Variants in KCTD1 observed in about 807,000 individuals in gnomAD.
KCTD1 encodes BTB/POZ domain-containing protein KCTD1.
KCTD1 carries 24 observed loss-of-function variants against 66.0 expected under a neutral mutation model. That is an observed-to-expected ratio of 0.36 (90% CI 0.26 to 0.51). KCTD1 has a LOEUF of 0.51. Ranked by LOEUF, KCTD1 falls within the 20% of genes least tolerant of loss-of-function variation. The pLI is 0.95. For missense variants in KCTD1, 943 were observed against 1,205.2 expected (o/e 0.78, Z 3.22); for synonymous variants, 511 against 517.2 (o/e 0.99, Z 0.16).
Position 26,455,123 on chromosome 18 carries a change from A to ACAT in KCTD1, c.*617_*619dup, listed in dbSNP as rs1363498427. The ACAT allele has an allele frequency of 6.6e-6, 1 of 152,650 alleles. No individual in the cohort carries two copies. The highest frequency in any genetic ancestry group is 6.5e-5 in the Admixed American group (1 of 15,282). 9.5% of individuals were successfully genotyped at this position (152,650 alleles called of 1,614,324 possible). A position where few individuals can be genotyped will look rare whatever the true frequency, so the allele number is the denominator to read the frequency against. The stretch of plus-strand genomic sequence containing the variant: ...TCAGTTTTAAAACAAAGTAAAGTTC[A>ACAT]CATCTGTGAGGTGGACAAAAAAGTG... On this transcript the variant is annotated 3_prime_UTR_variant, in exon 5 of 5. Transcript: ENST00000580059.
intron 1 of KCTD1, chr18:26,600,013 G>A (rs1044771652): frequency 1.9e-5 from 30 of 1,611,384 alleles, no homozygotes; most frequent in South Asian, 8.8e-5. Flanking sequence ...CTCAGCCAAC[G>A]ATATGGAGGA....
intron 1 of KCTD1, among the ~76,000 whole-genome samples, chr18:26,602,384 A>G (rs1263333458): frequency 6.6e-6 from 1 of 152,218 alleles, no homozygotes; most frequent in African/African-American, 2.4e-5. Flanking sequence ...TTTATAAGAA[A>G]TGTGGGTATA....
chr18:26,484,308 T>A (rs1178913804), intron 2 of KCTD1, among the ~76,000 whole-genome samples: 1 of 152,166 alleles, frequency 6.6e-6, no homozygotes, highest in African/African-American at 2.4e-5. Flanking sequence ...ACAAATTATA[T>A]CTACTTATGA....
At chr18:26,524,815 C>T (rs1385976551) in intron 1 of KCTD1, among the ~76,000 whole-genome samples, 2 of 152,090 alleles carry the variant, frequency 1.3e-5, no homozygotes, top group Non-Finnish European at 1.5e-5. Context: ...TTAACATGTA[C>T]ATGTGTTAAA....
rs1425732017 is a variant in KCTD1, at chr18:26,547,013, G to C, written c.1524C>G (p.Pro508=). 2.0e-6 allele frequency: 3 copies of C among 1,483,176 alleles called. No individual in the cohort carries two copies. The highest frequency in any genetic ancestry group is 1.4e-5 in the African/African-American group (1 of 71,820). 91.9% of individuals were successfully genotyped at this position (1,483,176 alleles called of 1,614,324 possible). A position where few individuals can be genotyped will look rare whatever the true frequency, so the allele number is the denominator to read the frequency against. ...GGAGGATGTAAGTGTTCCCCAGCGA[G>C]GGCGGCTGGGGGCGGTGGTGGTGGG... ...HPSHHHRPQP[P]SLGNTYILPK... Residue 508 remains proline (P), a synonymous_variant, in exon 1 of 5, where the codon CCC becomes CCG. Coordinates refer to ENST00000580059, the MANE Select transcript of KCTD1 (RefSeq NM_001142730.3).
intron 1 of KCTD1, among the ~76,000 whole-genome samples, chr18:26,624,371 G>A (rs1390778257): frequency 1.3e-5 from 2 of 152,192 alleles, no homozygotes; most frequent in African/African-American, 4.8e-5. Context: ...GGCCTAAGAG[G>A]GAAAAATGGT....
intron 1 of KCTD1, among the ~76,000 whole-genome samples, chr18:26,515,335 C>T (rs566947311): frequency 9.9e-5 from 15 of 152,126 alleles, no homozygotes; most frequent in African/African-American, 2.4e-4. Context: ...AAGGAACACA[C>T]GGAGGCAGCA....
chr18:26,541,594 G>A (rs1282361901), intron 1 of KCTD1, among the ~76,000 whole-genome samples: 1 of 152,174 alleles, frequency 6.6e-6, no homozygotes, highest in African/African-American at 2.4e-5. Context: ...AAGCTAAAAG[G>A]TAAGAAGTCT....
intron 1 of KCTD1, among the ~76,000 whole-genome samples, chr18:26,649,135 G>A (rs991887534): frequency 2.6e-5 from 4 of 152,174 alleles, no homozygotes; most frequent in African/African-American, 9.7e-5. Flanking sequence ...GACTTCACAT[G>A]GGTCTTCAGC....
At chr18:26,558,924 A>G (rs541013210) in intron 1 of KCTD1, among the ~76,000 whole-genome samples, 1 of 151,332 alleles carries the variant, frequency 6.6e-6, no homozygotes, top group African/African-American at 2.4e-5. Flanking sequence ...CTCCGTCTCA[A>G]AAAGAAGCAA....
intron 2 of KCTD1, among the ~76,000 whole-genome samples, chr18:26,496,205 C>T (rs1982462721): frequency 6.6e-6 from 1 of 152,078 alleles, no homozygotes; most frequent in Non-Finnish European, 1.5e-5. Context: ...TTTCAGGGTC[C>T]AGGGCAAGAG....
chr18:26,603,564 G>A (rs1199412198), intron 1 of KCTD1, among the ~76,000 whole-genome samples: 1 of 151,572 alleles, frequency 6.6e-6, no homozygotes, highest in Non-Finnish European at 1.5e-5. Flanking sequence ...AATATATGAT[G>A]AAACCCCGCC....
chr18:26,557,265 A>T (rs1985729157), intron 1 of KCTD1, among the ~76,000 whole-genome samples: 3 of 152,210 alleles, frequency 2.0e-5, no homozygotes, highest in African/African-American at 7.2e-5. Context: ...ATGGTATTAC[A>T]TACAGAATAC....
At chr18:26,577,670 T>TAG (rs1220100266) in intron 1 of KCTD1, among the ~76,000 whole-genome samples, 4 of 152,184 alleles carry the variant, frequency 2.6e-5, no homozygotes, top group Non-Finnish European at 4.4e-5. Context: ...CTCAGCCTGC[T>TAG]GAATGGCTAG....
At chr18:26,573,232 A>C (rs902872485) in intron 1 of KCTD1, among the ~76,000 whole-genome samples, 1 of 152,088 alleles carries the variant, frequency 6.6e-6, no homozygotes. Context: ...ATAAAATTAG[A>C]ATGGTGGATG....
At chr18:26,583,393 C>CAAAAAAAAAAAAAAAAAAAAAAA (rs55720907) in intron 1 of KCTD1, among the ~76,000 whole-genome samples, 2 of 83,820 alleles carry the variant, frequency 2.4e-5, no homozygotes, top group Non-Finnish European at 4.4e-5. Flanking sequence ...GACTTTGTCT[C>CAAAAAAAAAAAAAAAAAAAAAAA]AAAAAAAAAA....
At chr18:26,486,655 CCT>C (rs1019146565) in intron 2 of KCTD1, among the ~76,000 whole-genome samples, 3 of 152,198 alleles carry the variant, frequency 2.0e-5, no homozygotes, top group Non-Finnish European at 2.9e-5. Flanking sequence ...GGCCCGTCCC[CCT>C]GTGACTGCTG....
At chr18:26,548,667 A>C, upstream of KCTD1, 1 of 1,013,856 alleles carries the variant, frequency 9.9e-7, no homozygotes, top group Non-Finnish European at 1.2e-6. Flanking sequence ...GCCGCGCTCC[A>C]ATTGTCATTC....
intron 1 of KCTD1, among the ~76,000 whole-genome samples, chr18:26,621,283 CT>C (rs1987378266): frequency 6.6e-6 from 1 of 152,156 alleles, no homozygotes. Context: ...TATTGCTCCC[CT>C]AACCTCTTGT....
Sources: gnomAD v4.1 joint callset for allele counts (sites outside exome capture counted in the v4.1 genomes callset) on GRCh38, gnomAD v4.1.1 for gene constraint, MANE v1.5 for transcripts, NCBI Gene and HGNC (gene_info 2026-07-23, HGNC 2026-07-21) for gene names.